PWP1: variants seen among roughly 807,000 people sequenced by gnomAD.
PWP1 encodes periodic tryptophan protein 1 homolog.
In PWP1, 47 loss-of-function variants were observed where a neutral mutation model predicts 69.9. The observed-to-expected ratio is 0.67, with a 90% CI of 0.53 to 0.86. The LOEUF (loss-of-function observed/expected upper bound fraction) is 0.86, where lower values mean the gene tolerates loss of function less well. PWP1 is among the 40% of genes least tolerant of loss of function. The pLI, the probability that PWP1 is intolerant of heterozygous loss-of-function variation, is 0.00. For synonymous variants in PWP1, 222 were observed against 208.2 expected (o/e 1.07, Z -0.57); for missense variants, 551 against 608.8 (o/e 0.91, Z 1.00).
rs200666237 is a variant in PWP1 at position 107,696,498 on chromosome 12, T to C, written c.527T>C (p.Phe176Ser). ...GTTTATAATCAAGAAGAAGACTCTT[T>C]TTATGTACACCATGATATACTCTTG... ...VHVYNQEEDS[F>S]YVHHDILLSA... Residue 176 changes from phenylalanine (F) to serine (S), a missense_variant, in exon 6 of 15, where the codon TTT becomes TCT. Phe to Ser is a radical substitution (Grantham distance 155). Transcript: ENST00000412830. 3.7e-6 allele frequency: 6 copies of C among 1,614,078 alleles called. No homozygotes were observed. The highest frequency in any genetic ancestry group is 4.5e-5 in the East Asian group (2 of 44,864).
chr12:107,695,886 A>G (rs2136275938), intron 5 of PWP1, among the ~76,000 whole-genome samples: 1 of 152,312 alleles, frequency 6.6e-6, no homozygotes, highest in East Asian at 1.9e-4. Flanking sequence ...TTTTCTATGA[A>G]TGACCTAGAA....
Position 107,685,865 on chromosome 12 carries a change from G to T in PWP1, c.-35G>T. 1 of 1,612,424 alleles carries T rather than the reference G, an allele frequency of 6.2e-7. No individual in the cohort carries two copies. Among genetic ancestry groups the T allele is most frequent in the South Asian group, 1.1e-5 (1 of 91,056 alleles). ...GTCGTGGTCCCTCCCTATGCAGCCTGGTTTCTAGCGTGACACGCCCTTGAC... is the reference window on the plus strand; with the variant it reads ...GTCGTGGTCCCTCCCTATGCAGCCTTGTTTCTAGCGTGACACGCCCTTGAC... On this transcript the variant is annotated 5_prime_UTR_variant, in exon 1 of 15. Transcript: ENST00000412830.
intron 11 of PWP1, among the ~76,000 whole-genome samples, chr12:107,707,226 T>A (rs1406953098): frequency 6.6e-6 from 1 of 152,210 alleles, no homozygotes; most frequent in Non-Finnish European, 1.5e-5. Context: ...AGAATGCTTG[T>A]GATTTTTGCA....
At chr12:107,706,280 G>C (rs569564253) in intron 11 of PWP1, among the ~76,000 whole-genome samples, 1 of 152,284 alleles carries the variant, frequency 6.6e-6, no homozygotes, top group Admixed American at 6.5e-5. Flanking sequence ...GTTCATTGTA[G>C]ATTCTGGATA....
intron 8 of PWP1, among the ~76,000 whole-genome samples, chr12:107,699,647 G>A (rs976542226): frequency 6.6e-6 from 1 of 152,146 alleles, no homozygotes; most frequent in Non-Finnish European, 1.5e-5. Flanking sequence ...CTCATTGCAT[G>A]TTTGGTGACC....
At position 107,704,658 on chromosome 12, in the gene PWP1, C is replaced by T. The variant is rs202149257; in HGVS notation, c.988C>T (p.Arg330Ter). The T allele has an allele frequency of 9.2e-5, 148 of 1,613,758 alleles. No individual in the cohort carries two copies. The highest frequency in any genetic ancestry group is 1.2e-4 in the Non-Finnish European group (142 of 1,179,886). ...TAGGTCAGTGGCTTTGTATGACTGCCGAAGTCCAGATGAAAGCCATCGAAT... is the reference window on the plus strand; with the variant it reads ...TAGGTCAGTGGCTTTGTATGACTGCTGAAGTCCAGATGAAAGCCATCGAAT... ...YDKSVALYDC[R>*]SPDESHRMWR... The change falls in exon 11 of 15, where the codon CGA (arginine) becomes TGA (stop). Residue 330 changes from arginine (R) to a stop codon, truncating the protein, a stop_gained. Transcript: ENST00000412830. LOFTEE classifies it high-confidence loss of function.
rs994959060 is a variant in PWP1, at chr12:107,698,550, T to C, written c.745-823T>C. ...CTCTAAAAAAATAAACTACTATAGT[T>C]TCTTCCCTGTTCCTTGTAATGAAAT... On this transcript the variant is annotated intron_variant, in intron 7 of 14. Transcript: ENST00000412830. Among the ~76,000 whole-genome samples, 3 of 152,272 alleles carry C rather than the reference T, an allele frequency of 2.0e-5. 1 individual carries two copies.
rs117231086 is a variant in PWP1 at position 107,688,476 on chromosome 12, G to T, written c.101G>T (p.Arg34Leu). The T allele has an allele frequency of 1.9e-6, 3 of 1,613,868 alleles. No homozygotes were observed. Among genetic ancestry groups the T allele is most frequent in the African/African-American group, 2.7e-5 (2 of 74,918 alleles). Residue 34 changes from arginine to leucine, a missense_variant, in exon 2 of 15, where the codon CGC becomes CTC. Transcript: ENST00000412830. ...KVELSKEEVKRLIAEAKEKLQ... is the reference protein window; with the variant it reads ...KVELSKEEVKLLIAEAKEKLQ... ...GAGCTGAGTAAAGAAGAAGTAAAACGCCTCATTGCTGAGGCAAAGGAGAAA... is the reference window on the plus strand; with the variant it reads ...GAGCTGAGTAAAGAAGAAGTAAAACTCCTCATTGCTGAGGCAAAGGAGAAA...
Position 107,693,061 on chromosome 12 carries a change from G to A in PWP1, c.467G>A (p.Arg156Gln), listed in dbSNP as rs377035123. 8.1e-6 allele frequency: 13 copies of A among 1,614,014 alleles called. No individual in the cohort carries two copies. In the East Asian group the frequency reaches 1.3e-4, roughly 17 times the overall value. ...AGTGATAATCTTATAGTTTGTGGCC[G>A]AGCTGAACAGGACCAGTGCAATTTA... ...KPSDNLIVCG[R>Q]AEQDQCNLEV... The change falls in exon 5 of 15, where the codon CGA becomes CAA. Residue 156 changes from arginine (R) to glutamine (Q), a missense_variant. Physicochemically the swap from Arg to Gln is conservative, Grantham distance 43. Transcript: ENST00000412830.
At position 107,692,875 on chromosome 12, in the gene PWP1, T is replaced by C; in HGVS notation, c.381T>C (p.Asp127=). 6.2e-7 allele frequency: 1 copy of C among 1,614,128 alleles called. No homozygotes were observed. Among genetic ancestry groups the C allele is most frequent in the Non-Finnish European group, 8.5e-7 (1 of 1,179,978 alleles). The change falls in exon 4 of 15, where the codon GAT becomes GAC. Residue 127 remains aspartate (D), a synonymous_variant. Transcript: ENST00000412830. ...GLTVYGSNDQ[D]PYVTLKDTEQ... is the part of the protein sequence containing the mutation. ...CGGTCTACGGGAGTAATGATCAAGATCCTTACGTTACTCTGAAAGATACAG... is the reference window on the plus strand; with the variant it reads ...CGGTCTACGGGAGTAATGATCAAGACCCTTACGTTACTCTGAAAGATACAG...
At chr12:107,708,520 G>A (rs907785950) in intron 11 of PWP1, among the ~76,000 whole-genome samples, 15 of 152,144 alleles carry the variant, frequency 9.9e-5, no homozygotes, top group Admixed American at 5.2e-4. Context: ...CACACTGGTC[G>A]ATTTGACTGT....
Position 107,688,435 on chromosome 12 carries a change from T to A in PWP1, c.73-13T>A. ...CTTACACATATTGTAATGAAATCTT[T>A]GCTCTCTTACAGGTAGAGCTGAGTA... On this transcript the variant is annotated splice_polypyrimidine_tract_variant and intron_variant, in intron 1 of 14. Transcript: ENST00000412830. 2.5e-6 allele frequency: 4 copies of A among 1,596,984 alleles called. No individual in the cohort carries two copies. Among genetic ancestry groups the A allele is most frequent in the Non-Finnish European group, 3.4e-6 (4 of 1,174,956 alleles).
rs1889975890 is a variant in PWP1, at chr12:107,712,452, G to T, written c.*232G>T. The stretch of plus-strand genomic sequence containing the variant: ...ATTTCTTAAAAAAGAGTAATAAAAA[G>T]GATTTTTAAAAAGTAATTCCTTAAA... On this transcript the variant is annotated 3_prime_UTR_variant, in exon 15 of 15. Coordinates refer to ENST00000412830, the MANE Select transcript of PWP1 (RefSeq NM_007062.3). The T allele has an allele frequency of 5.5e-6, 2 of 361,730 alleles. No homozygotes were observed. Among genetic ancestry groups the T allele is most frequent in the East Asian group, 4.4e-5 (1 of 22,700 alleles). The allele number at this position is 361,730 out of a possible 1,614,324, so 22.4% of individuals were successfully genotyped here. A position where few individuals can be genotyped will look rare whatever the true frequency, so the allele number is the denominator to read the frequency against.
rs535264985 is a variant in PWP1, at chr12:107,690,388, T to A, written c.319+1586T>A. 1.3e-5 allele frequency among the ~76,000 whole-genome samples: 2 copies of A among 152,298 alleles called. 1 individual carries two copies. The highest frequency in any genetic ancestry group is 6.8e-3 in the Middle Eastern group (2 of 294). On this transcript the variant is annotated intron_variant, in intron 3 of 14. Transcript: ENST00000412830. ...ACCATGTCTAAATAATAAAAAAGTT[T>A]AAAAAAGTTATAATCAGGCACTTAA...
intron 8 of PWP1, among the ~76,000 whole-genome samples, chr12:107,700,973 C>T (rs1441930816): frequency 6.6e-6 from 1 of 152,094 alleles, no homozygotes; most frequent in Non-Finnish European, 1.5e-5. Flanking sequence ...CAAGCAATCC[C>T]CCCGCCTCAG....
At chr12:107,710,103 A>G (rs185102126) in intron 13 of PWP1, among the ~76,000 whole-genome samples, 30 of 152,330 alleles carry the variant, frequency 2.0e-4, no homozygotes, top group African/African-American at 6.7e-4. Context: ...TACATGGCAC[A>G]TTAGGTTTGT....
At chr12:107,704,088 A>T (rs1315219684) in intron 10 of PWP1, among the ~76,000 whole-genome samples, 1 of 152,250 alleles carries the variant, frequency 6.6e-6, no homozygotes, top group Non-Finnish European at 1.5e-5. Flanking sequence ...TTTATAGCTC[A>T]TATCAGTGCT....
At chr12:107,690,468 T>G (rs925460500) in intron 3 of PWP1, among the ~76,000 whole-genome samples, 14 of 152,226 alleles carry the variant, frequency 9.2e-5, no homozygotes, top group African/African-American at 3.1e-4. Context: ...TAATATACTT[T>G]TTTTTGTGTG....
chr12:107,708,207 AG>A (rs1221768973), intron 11 of PWP1, among the ~76,000 whole-genome samples: 1 of 152,210 alleles, frequency 6.6e-6, no homozygotes, highest in Admixed American at 6.5e-5. Flanking sequence ...CCAAATATTT[AG>A]GGAAGTGAGA....
Sources: gnomAD v4.1 joint callset for allele counts (sites outside exome capture counted in the v4.1 genomes callset) on GRCh38, gnomAD v4.1.1 for gene constraint, MANE v1.5 for transcripts, NCBI Gene and HGNC (gene_info 2026-07-23, HGNC 2026-07-21) for gene names.